SUPT3H: variants seen among roughly 807,000 people sequenced by gnomAD.
SUPT3H encodes the protein SPT3 homolog, SAGA and STAGA complex component.
In SUPT3H, 44 loss-of-function variants were observed where a neutral mutation model predicts 44.3. The ratio of observed to expected loss-of-function variants is 0.99; its 90% CI spans 0.78 to 1.28. The LOEUF is 1.28. Ranked by LOEUF, SUPT3H falls within the 50% of genes most tolerant of loss-of-function variation. The pLI, the probability that SUPT3H is intolerant of heterozygous loss-of-function variation, is 0.00. For missense variants in SUPT3H, 380 were observed against 387.1 expected, an observed-to-expected ratio of 0.98 and a Z score of 0.15; for synonymous variants, 124 against 125.6, an observed-to-expected ratio of 0.99 and a Z score of 0.09.
chr6:45,251,174 G>A (rs1772306051), intron 2 of SUPT3H: 1 of 151,822 alleles, frequency 6.6e-6, no homozygotes, highest in Non-Finnish European at 1.5e-5. Flanking sequence ...AATTTTTAAG[G>A]GAAAATGATT....
At chr6:45,291,175 G>A (rs1004409902) in intron 2 of SUPT3H, among the ~76,000 whole-genome samples, 4 of 152,148 alleles carry the variant, frequency 2.6e-5, no homozygotes, top group Non-Finnish European at 5.9e-5. Context: ...GACTTGCTGG[G>A]TGGCTAGATC....
intron 6 of SUPT3H, among the ~76,000 whole-genome samples, chr6:44,985,308 G>C (rs1299923805): frequency 6.6e-6 from 1 of 151,994 alleles, no homozygotes; most frequent in African/African-American, 2.4e-5. Flanking sequence ...GAGGTAAGAG[G>C]ATCGCTTGAG....
At chr6:45,242,538 T>C (rs932735826) in intron 2 of SUPT3H, among the ~76,000 whole-genome samples, 2 of 152,172 alleles carry the variant, frequency 1.3e-5, no homozygotes, top group African/African-American at 4.8e-5. Flanking sequence ...AGTCAGAGTG[T>C]AGACATCACT....
At chr6:45,113,880 G>A (rs1393243567) in intron 2 of SUPT3H, among the ~76,000 whole-genome samples, 8 of 149,726 alleles carry the variant, frequency 5.3e-5, no homozygotes, top group Non-Finnish European at 8.9e-5. Flanking sequence ...AGATTTCCTA[G>A]CAGTGATGAT....
At chr6:45,099,996 G>C (rs1221406918) in intron 3 of SUPT3H, among the ~76,000 whole-genome samples, 2 of 152,054 alleles carry the variant, frequency 1.3e-5, no homozygotes, top group Non-Finnish European at 2.9e-5. Flanking sequence ...AGAATGGTGA[G>C]TCTTTTCAAT....
chr6:45,109,290 T>C (rs1385251779), intron 2 of SUPT3H, among the ~76,000 whole-genome samples: 2 of 152,308 alleles, frequency 1.3e-5, no homozygotes, highest in African/African-American at 4.8e-5. Context: ...ATTTAATTCG[T>C]TGGAATACTT....
At chr6:44,993,720 G>GGTATCTTGT (rs1252536048) in intron 6 of SUPT3H, among the ~76,000 whole-genome samples, 4 of 151,962 alleles carry the variant, frequency 2.6e-5, no homozygotes, top group Admixed American at 2.0e-4. Flanking sequence ...ATTTACCACA[G>GGTATCTTGT]GTATCTTGTT....
chr6:45,175,622 G>T (rs576337292), intron 2 of SUPT3H, among the ~76,000 whole-genome samples: 7 of 152,228 alleles, frequency 4.6e-5, no homozygotes, highest in African/African-American at 1.7e-4. Flanking sequence ...CAGTACTCAT[G>T]AGTTTATTAA....
intron 6 of SUPT3H, among the ~76,000 whole-genome samples, chr6:44,990,274 C>T (rs1019354850): frequency 1.3e-5 from 2 of 151,894 alleles, no homozygotes; most frequent in Admixed American, 6.6e-5. Flanking sequence ...ACACCTTTGT[C>T]GAAGATTAGT....
intron 2 of SUPT3H, among the ~76,000 whole-genome samples, chr6:45,277,028 T>G (rs1777140378): frequency 6.6e-6 from 1 of 152,232 alleles, no homozygotes; most frequent in Admixed American, 6.5e-5. Flanking sequence ...ATAAAACTCC[T>G]TATCCAATGT....
chr6:44,994,502 C>T (rs1381703099), intron 6 of SUPT3H, among the ~76,000 whole-genome samples: 1 of 152,006 alleles, frequency 6.6e-6, no homozygotes, highest in South Asian at 2.1e-4. Flanking sequence ...CCTAAAGTTC[C>T]AGAGATCCAG....
At chr6:45,176,847 C>A (rs527444392) in intron 2 of SUPT3H, among the ~76,000 whole-genome samples, 2 of 152,168 alleles carry the variant, frequency 1.3e-5, no homozygotes, top group Admixed American at 6.5e-5. Flanking sequence ...AACAGACCTG[C>A]AGCTGAGCGT....
chr6:45,359,974 T>C (rs1301703722), intron 2 of SUPT3H, among the ~76,000 whole-genome samples: 1 of 152,206 alleles, frequency 6.6e-6, no homozygotes, highest in Non-Finnish European at 1.5e-5. Context: ...TTGTTACTAA[T>C]AACCGAGCAA....
chr6:45,070,693 C>T (rs911037431), intron 3 of SUPT3H, among the ~76,000 whole-genome samples: 1 of 139,326 alleles, frequency 7.2e-6, no homozygotes, highest in African/African-American at 2.7e-5. Context: ...TGAGATTGCA[C>T]CACTGCACTC....
At chr6:45,273,308 T>C (rs1776506647) in intron 2 of SUPT3H, among the ~76,000 whole-genome samples, 1 of 152,208 alleles carries the variant, frequency 6.6e-6, no homozygotes. Flanking sequence ...CATCCCTTCA[T>C]GAAATGAGAC....
At chr6:45,009,508 C>CATGTAGGT (rs1783175133) in intron 5 of SUPT3H, among the ~76,000 whole-genome samples, 1 of 152,054 alleles carries the variant, frequency 6.6e-6, no homozygotes, top group Admixed American at 6.6e-5. Context: ...GTTGTAGGTG[C>CATGTAGGT]CCAAATTCTT....
chr6:44,870,515 C>T (rs1182612486), intron 10 of SUPT3H, among the ~76,000 whole-genome samples: 1 of 149,804 alleles, frequency 6.7e-6, no homozygotes, highest in Non-Finnish European at 1.5e-5. Flanking sequence ...GAGATGAGCA[C>T]TTGAGCCCAG....
intron 2 of SUPT3H, among the ~76,000 whole-genome samples, chr6:45,269,803 T>A (rs554020136): frequency 6.6e-6 from 1 of 152,188 alleles, no homozygotes; most frequent in Non-Finnish European, 1.5e-5. Flanking sequence ...ATAAAATCCA[T>A]CCACTGAAAT....
intron 3 of SUPT3H, among the ~76,000 whole-genome samples, chr6:45,100,880 T>A (rs1478101664): frequency 6.6e-6 from 1 of 152,140 alleles, no homozygotes; most frequent in African/African-American, 2.4e-5. Flanking sequence ...ATGCCAAAGA[T>A]ATATCTGTGC....
Sources: gnomAD v4.1 joint callset for allele counts (sites outside exome capture counted in the v4.1 genomes callset) on GRCh38, gnomAD v4.1.1 for gene constraint, MANE v1.5 for transcripts, NCBI Gene and HGNC (gene_info 2026-07-23, HGNC 2026-07-21) for gene names.